The following MLLT10 variants were observed in gnomAD, a reference collection of about 807,000 sequenced individuals.
The protein encoded by MLLT10 is protein AF-10.
A neutral mutation model predicts 129.1 loss-of-function variants in MLLT10; 30 were observed. The observed-to-expected ratio is 0.23, with a 90% CI of 0.17 to 0.32. MLLT10 has a LOEUF of 0.32. Ranked by LOEUF, MLLT10 falls within the 10% of genes least tolerant of loss-of-function variation. The probability of loss-of-function intolerance (pLI) is 1.00; values close to 1 mark genes in which losing one functional copy is unlikely to be tolerated. For synonymous variants in MLLT10, 490 were observed against 446.4 expected (o/e 1.10, Z -1.23); for missense variants, 1,119 against 1,268.3 (o/e 0.88, Z 1.79).
At chr10:21,585,552 AG>A (rs1323591278) in intron 3 of MLLT10, among the ~76,000 whole-genome samples, 3 of 152,192 alleles carry the variant, frequency 2.0e-5, no homozygotes, top group African/African-American at 7.2e-5. Context: ...TTCTAGAGTT[AG>A]GCTCTTTAAG....
rs1014245033 is a variant in MLLT10 at position 21,542,484 on chromosome 10, C to T, written c.240+3572C>T. Among the ~76,000 whole-genome samples, 5 of 152,206 alleles carry T rather than the reference C, an allele frequency of 3.3e-5. 1 individual carries two copies. The highest frequency in any genetic ancestry group is 4.1e-4 in the South Asian group (2 of 4,836). On this transcript the variant is annotated intron_variant, in intron 3 of 22. Transcript: ENST00000307729. ...ACTCGGGAGACTGAAGCAGGAGATC[C>T]GCCCGAACCCGGGAGGCAGAGGTTG...
chr10:21,665,584 A>G, intron 9 of MLLT10, among the ~76,000 whole-genome samples: 1 of 151,864 alleles, frequency 6.6e-6, no homozygotes, highest in Non-Finnish European at 1.5e-5. Context: ...CACTGCGCCC[A>G]GCCAAAATAG....
At chr10:21,535,305 G>A (rs577212636) in intron 2 of MLLT10, among the ~76,000 whole-genome samples, 1 of 152,284 alleles carries the variant, frequency 6.6e-6, no homozygotes, top group South Asian at 2.1e-4. Flanking sequence ...GTGTGGGGAG[G>A]CTGGGGGTCG....
intron 13 of MLLT10, among the ~76,000 whole-genome samples, chr10:21,713,373 G>A (rs1372637223): frequency 1.3e-5 from 2 of 152,184 alleles, no homozygotes; most frequent in Admixed American, 1.3e-4. Context: ...GACTTCCTCA[G>A]TGATGATTTC....
chr10:21,612,356 C>T lies in MLLT10; in HGVS notation c.414C>T (p.Tyr138=). 1 of 1,599,552 alleles carries T rather than the reference C, an allele frequency of 6.3e-7. No individual in the cohort carries two copies. The highest frequency in any genetic ancestry group is 8.5e-7 in the Non-Finnish European group (1 of 1,171,030). Residue 138 remains tyrosine (Y), a synonymous_variant, in exon 6 of 23, where the codon TAC becomes TAT. Transcript: ENST00000307729. ...VPHDRYNKTC[Y]ICDEQGRESK... Reference sequence around the variant, plus strand: ...TTTTTTTTAACCCCAAGACTTGCTACATTTGTGATGAACAAGGAAGAGAAA... The same window carrying T: ...TTTTTTTTAACCCCAAGACTTGCTATATTTGTGATGAACAAGGAAGAGAAA...
intron 19 of MLLT10, 82 bp from the exon 20 acceptor site, chr10:21,733,686 G>A (rs2131579826): frequency 6.6e-7 from 1 of 1,506,494 alleles, no homozygotes; most frequent in Non-Finnish European, 8.9e-7. Flanking sequence ...GTTTTGCAGT[G>A]TTCTTTAAAC....
At chr10:21,633,689 C>T (rs1182729496) in intron 8 of MLLT10, among the ~76,000 whole-genome samples, 1 of 151,870 alleles carries the variant, frequency 6.6e-6, no homozygotes, top group Non-Finnish European at 1.5e-5. Flanking sequence ...GACCCTGTCT[C>T]AAAAAAATTA....
chr10:21,642,513 T>C lies in MLLT10; in HGVS notation c.700-9160T>C, dbSNP rs1201018839. Among the ~76,000 whole-genome samples the C allele has an allele frequency of 3.3e-5, 5 of 151,750 alleles. No homozygotes were observed. In the East Asian group the frequency reaches 9.7e-4, roughly 29 times the overall value. On this transcript the variant is annotated intron_variant, in intron 8 of 22. Transcript: ENST00000307729. ...CTCTACTAAAAATACAAAAATTAGC[T>C]GGGTGTGGTGGCACATGCCGGTAAT...
At chr10:21,723,747 C>G (rs940411621) in intron 14 of MLLT10, among the ~76,000 whole-genome samples, 32 of 152,088 alleles carry the variant, frequency 2.1e-4, no homozygotes, top group African/African-American at 6.8e-4. Context: ...GTTTCTTCCT[C>G]CTTCTAATTA....
intron 5 of MLLT10, among the ~76,000 whole-genome samples, chr10:21,599,417 C>T (rs183454308): frequency 6.6e-6 from 1 of 152,104 alleles, no homozygotes; most frequent in Non-Finnish European, 1.5e-5. Flanking sequence ...ACACTAATCT[C>T]TATTACTGTA....
intron 11 of MLLT10, 80 bp downstream of exon 11, chr10:21,673,999 G>A: frequency 9.3e-7 from 1 of 1,077,870 alleles, no homozygotes; most frequent in Non-Finnish European, 1.3e-6. Context: ...TTCAACTGTT[G>A]TTACGATAAT....
intron 13 of MLLT10, among the ~76,000 whole-genome samples, chr10:21,690,668 G>A (rs955186680): frequency 2.6e-5 from 4 of 151,674 alleles, no homozygotes; most frequent in African/African-American, 7.3e-5. Context: ...CCTCTGTCCT[G>A]GAGTTACTGT....
intron 12 of MLLT10, among the ~76,000 whole-genome samples, 200 bp from the exon 13 acceptor site, chr10:21,682,025 T>TA (rs1166115073): frequency 6.6e-6 from 1 of 152,214 alleles, no homozygotes; most frequent in Non-Finnish European, 1.5e-5. Flanking sequence ...TAGTTGGTAA[T>TA]ATGTTGGCAA....
chr10:21,729,804 T>G (rs1416681893), intron 16 of MLLT10, among the ~76,000 whole-genome samples: 1 of 152,218 alleles, frequency 6.6e-6, no homozygotes, highest in African/African-American at 2.4e-5. Context: ...AAATGTATTA[T>G]GTTAGAATGA....
At chr10:21,708,599 C>T (rs967718097) in intron 13 of MLLT10, 33 of 984,732 alleles carry the variant, frequency 3.4e-5, no homozygotes, top group Non-Finnish European at 4.0e-5. Context: ...AAACTGAGTA[C>T]CAGATATTGT....
At chr10:21,710,579 A>T (rs1332292498) in intron 13 of MLLT10, among the ~76,000 whole-genome samples, 1 of 152,110 alleles carries the variant, frequency 6.6e-6, no homozygotes, top group Non-Finnish European at 1.5e-5. Context: ...TCTCACTCCT[A>T]GATTTATGTC....
At chr10:21,684,111 A>G (rs1016929903) in intron 13 of MLLT10, among the ~76,000 whole-genome samples, 3 of 152,026 alleles carry the variant, frequency 2.0e-5, no homozygotes, top group Non-Finnish European at 4.4e-5. Flanking sequence ...CCTGGTCTCA[A>G]GTGATCCTTC....
intron 13 of MLLT10, among the ~76,000 whole-genome samples, chr10:21,686,236 C>T (rs2053279542): frequency 6.6e-6 from 1 of 152,094 alleles, no homozygotes; most frequent in African/African-American, 2.4e-5. Context: ...CTTTTATAGG[C>T]ATCGATTTAA....
At chr10:21,556,939 G>C (rs1194456355) in intron 3 of MLLT10, 1 of 1,547,920 alleles carries the variant, frequency 6.5e-7, no homozygotes. Context: ...AGGAGAGGTG[G>C]TAGTGTTTAA....
Sources: allele counts gnomAD v4.1 joint callset (sites outside exome capture counted in the v4.1 genomes callset), GRCh38; gene constraint gnomAD v4.1.1; transcripts MANE v1.5; gene names NCBI Gene and HGNC (gene_info 2026-07-23, HGNC 2026-07-21).